The following MED13L variants were observed in gnomAD, a reference collection of about 807,000 sequenced individuals.
MED13L encodes mediator of RNA polymerase II transcription subunit 13-like.
A neutral mutation model predicts 220.9 loss-of-function variants in MED13L; 7 were observed. The observed-to-expected ratio is 0.03, with a 90% CI of 0.02 to 0.06. MED13L has a LOEUF of 0.06. Ranked by LOEUF, MED13L falls within the 10% of genes least tolerant of loss-of-function variation. The pLI, the probability that MED13L is intolerant of heterozygous loss-of-function variation, is 1.00. For missense variants in MED13L, 1,965 were observed against 2,760.5 expected (o/e 0.71, Z 6.46); for synonymous variants, 1,011 against 1,015.2 (o/e 1.00, Z 0.08).
chr12:115,998,448 G>T (rs1176359234), intron 14 of MED13L, among the ~76,000 whole-genome samples: 1 of 152,196 alleles, frequency 6.6e-6, no homozygotes, highest in Admixed American at 6.5e-5. Context: ...ACCGTGCTGT[G>T]CTCACGGCTA....
At position 116,242,057 on chromosome 12, in the gene MED13L, T is replaced by C. The variant is rs571067523; in HGVS notation, c.73-4352A>G. Among the ~76,000 whole-genome samples the C allele has an allele frequency of 1.5e-3, 223 of 148,118 alleles. 1 individual carries two copies. Among genetic ancestry groups the C allele is most frequent in the African/African-American group, 5.2e-3 (209 of 40,332 alleles). ...CTCCAAGTTCTTTTGTCTTTTTTTTTTTTTTTTTTTTTGAGATGGAGTCTT... is the reference window on the plus strand; with the variant it reads ...CTCCAAGTTCTTTTGTCTTTTTTTTCTTTTTTTTTTTTGAGATGGAGTCTT... On this transcript the variant is annotated intron_variant, in intron 1 of 30. Transcript: ENST00000281928.
intron 4 of MED13L, among the ~76,000 whole-genome samples, chr12:116,045,810 T>G (rs1881797528): frequency 6.6e-6 from 1 of 151,972 alleles, no homozygotes. Context: ...GCAATAAAAA[T>G]TATTAAGTCA....
Position 116,250,466 on chromosome 12 carries a change from A to T in MED13L, c.73-12761T>A, listed in dbSNP as rs965609899. On this transcript the variant is annotated intron_variant, in intron 1 of 30. Transcript: ENST00000281928. ...AATAGGTAACATATAAATAAATAAA[A>T]AATACTTTTTTTCTCGGCCGGGCAT... is the stretch of plus-strand genomic sequence containing the variant. Among the ~76,000 whole-genome samples the T allele has an allele frequency of 2.6e-5, 4 of 152,106 alleles. 1 individual carries two copies. Among genetic ancestry groups the T allele is most frequent in the South Asian group, 4.1e-4 (2 of 4,824 alleles).
chr12:116,006,291 A>C lies in MED13L; in HGVS notation c.2344+15T>G. 1 of 1,604,850 alleles carries C rather than the reference A, an allele frequency of 6.2e-7. No individual in the cohort carries two copies. Among genetic ancestry groups the C allele is most frequent in the Non-Finnish European group, 8.5e-7 (1 of 1,171,520 alleles). On this transcript the variant is annotated intron_variant, in intron 12 of 30. Coordinates refer to ENST00000281928, the MANE Select transcript of MED13L (RefSeq NM_015335.5). The stretch of plus-strand genomic sequence containing the variant: ...TAGCAACAATCCAAGTGAGGCAAAT[A>C]ATCATTGTACACACCTGTTTTAGTA...
chr12:116,021,411 A>C (rs1880052586), intron 5 of MED13L, among the ~76,000 whole-genome samples: 1 of 152,184 alleles, frequency 6.6e-6, no homozygotes, highest in Non-Finnish European at 1.5e-5. Context: ...AGAAAACAGT[A>C]TTTTAAAAAT....
chr12:116,158,381 T>C (rs1288506865), intron 2 of MED13L, among the ~76,000 whole-genome samples: 3 of 152,154 alleles, frequency 2.0e-5, no homozygotes, highest in Non-Finnish European at 1.5e-5. Context: ...AGAATTAGTA[T>C]TCAAAGAAAA....
chr12:116,066,688 A>G (rs1334782092), intron 4 of MED13L, among the ~76,000 whole-genome samples: 1 of 152,136 alleles, frequency 6.6e-6, no homozygotes, highest in African/African-American at 2.4e-5. Context: ...ACAGAATCTC[A>G]TAAGAGTTTT....
At chr12:116,132,235 G>A (rs1478474450) in intron 2 of MED13L, among the ~76,000 whole-genome samples, 3 of 148,288 alleles carry the variant, frequency 2.0e-5, no homozygotes, top group Admixed American at 6.7e-5. Context: ...AGCCGAGATC[G>A]TGGCATTGCA....
chr12:116,102,836 C>T (rs1261516805), intron 3 of MED13L, among the ~76,000 whole-genome samples: 1 of 149,702 alleles, frequency 6.7e-6, no homozygotes, highest in East Asian at 2.0e-4. Flanking sequence ...ATTCTCCTGC[C>T]TCAGCCTCCT....
intron 19 of MED13L, among the ~76,000 whole-genome samples, chr12:115,985,170 C>G (rs1211160293): frequency 6.6e-6 from 1 of 152,160 alleles, no homozygotes; most frequent in African/African-American, 2.4e-5. Flanking sequence ...TTAAAAAGAT[C>G]TGGCAGTGCT....
chr12:116,102,374 G>A (rs998289337), intron 3 of MED13L, among the ~76,000 whole-genome samples: 3 of 152,156 alleles, frequency 2.0e-5, no homozygotes, highest in South Asian at 4.1e-4. Flanking sequence ...CACTAGCTCT[G>A]TTCTTTTCTG....
chr12:116,142,646 C>T (rs1877174429), intron 2 of MED13L, among the ~76,000 whole-genome samples: 1 of 152,038 alleles, frequency 6.6e-6, no homozygotes. Context: ...CGATATTGCG[C>T]CACAGCACTC....
Position 116,155,680 on chromosome 12 carries a change from T to A in MED13L, c.311-44168A>T, listed in dbSNP as rs537899101. On this transcript the variant is annotated intron_variant, in intron 2 of 30. Transcript: ENST00000281928. ...GAAGTTACATTTTGCCACACAGTCT[T>A]CAACAAAGAATGTATGGTTCACACT... Among the ~76,000 whole-genome samples the A allele has an allele frequency of 4.6e-5, 7 of 152,214 alleles. No homozygotes were observed. The South Asian group carries it at 1.4e-3, about 32-fold the overall frequency.
At chr12:115,967,929 G>A (rs1217165226) in intron 28 of MED13L, among the ~76,000 whole-genome samples, 1 of 152,176 alleles carries the variant, frequency 6.6e-6, no homozygotes, top group Middle Eastern at 3.4e-3. Context: ...AGGGTAATAG[G>A]GGCAGGTATA....
intron 4 of MED13L, among the ~76,000 whole-genome samples, chr12:116,033,916 C>T (rs1026517555): frequency 2.6e-5 from 4 of 152,084 alleles, no homozygotes; most frequent in African/African-American, 2.4e-5. Flanking sequence ...TATTAGCACT[C>T]GTATACAATC....
At chr12:116,121,161 C>T (rs1875059422) in intron 2 of MED13L, among the ~76,000 whole-genome samples, 1 of 152,040 alleles carries the variant, frequency 6.6e-6, no homozygotes, top group Non-Finnish European at 1.5e-5. Flanking sequence ...TCCTCATAAT[C>T]AAATATTTAA....
At chr12:116,153,717 C>T (rs966884392) in intron 2 of MED13L, among the ~76,000 whole-genome samples, 10 of 152,126 alleles carry the variant, frequency 6.6e-5, no homozygotes, top group Non-Finnish European at 1.5e-4. Flanking sequence ...TTAACCCATT[C>T]CCCCTTACTG....
intron 2 of MED13L, among the ~76,000 whole-genome samples, chr12:116,160,377 G>T (rs1878763586): frequency 6.6e-6 from 1 of 152,040 alleles, no homozygotes; most frequent in African/African-American, 2.4e-5. Context: ...AAACCATTTA[G>T]GTGAGTCACG....
intron 4 of MED13L, among the ~76,000 whole-genome samples, chr12:116,041,524 T>C (rs946715195): frequency 1.1e-4 from 17 of 152,130 alleles, no homozygotes; most frequent in South Asian, 8.3e-4. Flanking sequence ...CTGAATACCA[T>C]AGTTGAAAAG....
Sources: gnomAD v4.1 joint callset for allele counts (sites outside exome capture counted in the v4.1 genomes callset) on GRCh38, gnomAD v4.1.1 for gene constraint, MANE v1.5 for transcripts, NCBI Gene and HGNC (gene_info 2026-07-23, HGNC 2026-07-21) for gene names.